The following HOXC11 variants were observed in gnomAD, a reference collection of about 807,000 sequenced individuals.
HOXC11 encodes the protein homeobox C11.
A neutral mutation model predicts 23.6 loss-of-function variants in HOXC11; 17 were observed. The observed-to-expected ratio is 0.72, with a 90% CI of 0.49 to 1.08. HOXC11 has a LOEUF of 1.08. Ranked by LOEUF, HOXC11 falls within the 50% of genes least tolerant of loss-of-function variation. The probability of loss-of-function intolerance (pLI) is 0.00; values close to 1 mark genes in which losing one functional copy is unlikely to be tolerated. For missense variants in HOXC11, 413 were observed against 412.1 expected (o/e 1.00, Z -0.02); for synonymous variants, 196 against 183.8 (o/e 1.07, Z -0.54).
At position 53,977,480 on chromosome 12, in the gene HOXC11, A is replaced by G. The variant is rs1939281491; in HGVS notation, c.*2067A>G. On this transcript the variant is annotated 3_prime_UTR_variant, in exon 2 of 2. Transcript: ENST00000546378. ...TTGTAAACGTGGGTCGGGTCGTGAG[A>G]CAAGATTTGCAAACTAGGGTGTATA... The G allele has an allele frequency of 6.6e-6, 1 of 152,206 alleles. No homozygotes were observed. 9.4% of individuals were successfully genotyped at this position (152,206 alleles called of 1,614,324 possible). A position where few individuals can be genotyped will look rare whatever the true frequency, so the allele number is the denominator to read the frequency against.
rs1384337595 is a variant in HOXC11, at chr12:53,973,198, C to A, written c.-44C>A. On this transcript the variant is annotated 5_prime_UTR_variant, in exon 1 of 2. Coordinates refer to ENST00000546378, the MANE Select transcript of HOXC11 (RefSeq NM_014212.4). This position sits in a 1 kb window ranked among gnomAD's most constrained non-coding sequence, Gnocchi z 4.3. Reference sequence around the variant, plus strand: ...TCCCAAATTTTCCCCCCTCGCTAGACCGGGTCCAAAACCTCCATCCGGAGC... The same window carrying A: ...TCCCAAATTTTCCCCCCTCGCTAGAACGGGTCCAAAACCTCCATCCGGAGC... The A allele has an allele frequency of 6.7e-7, 1 of 1,492,502 alleles. No individual in the cohort carries two copies. Among genetic ancestry groups the A allele is most frequent in the African/African-American group, 1.4e-5 (1 of 71,498 alleles). 92.5% of individuals were successfully genotyped at this position (1,492,502 alleles called of 1,614,324 possible).
rs1939251845 is a variant in HOXC11 at position 53,976,010 on chromosome 12, G to T, written c.*597G>T. The T allele has an allele frequency of 4.1e-6, 1 of 242,612 alleles. No individual in the cohort carries two copies. Among genetic ancestry groups the T allele is most frequent in the South Asian group, 1.7e-4 (1 of 5,840 alleles). The allele number at this position is 242,612 out of a possible 1,614,324, so 15.0% of individuals were successfully genotyped here. On this transcript the variant is annotated 3_prime_UTR_variant, in exon 2 of 2. Transcript: ENST00000546378. ...GCCCGAGCCTAGTTGTTCTCCCCCT[G>T]AATGTGTAGAACCTTCCTTTGAAAT...
rs754222686 is a variant in HOXC11, at chr12:53,973,736, G to C, written c.495G>C (p.Pro165=). The change falls in exon 1 of 2, where the codon CCG becomes CCC. Residue 165 remains proline (P), a synonymous_variant. Transcript: ENST00000546378. This position sits in a 1 kb window ranked among gnomAD's most constrained non-coding sequence, Gnocchi z 4.3. ...FDNAYCGGGD[P]PAEPPCSGKG... ...ACGCCTACTGCGGTGGCGGCGACCCGCCCGCCGAGCCCCCCTGCTCCGGCA... is the reference window on the plus strand; with the variant it reads ...ACGCCTACTGCGGTGGCGGCGACCCCCCCGCCGAGCCCCCCTGCTCCGGCA... 170 of 1,612,466 alleles carry C rather than the reference G, an allele frequency of 1.1e-4. No homozygotes were observed. Among genetic ancestry groups the C allele is most frequent in the Non-Finnish European group, 1.3e-4 (157 of 1,179,740 alleles).
rs772243194 is a variant in HOXC11, at chr12:53,973,677, G to C, written c.436G>C (p.Val146Leu). 1.2e-6 allele frequency: 2 copies of C among 1,613,686 alleles called. No individual in the cohort carries two copies. Among genetic ancestry groups the C allele is most frequent in the East Asian group, 2.2e-5 (1 of 44,866 alleles). Residue 146 changes from valine (V) to leucine (L), a missense_variant, in exon 1 of 2, where the codon GTC (valine) becomes CTC (leucine). By Grantham distance (32) the Val-to-Leu change is conservative. Coordinates refer to ENST00000546378, the MANE Select transcript of HOXC11 (RefSeq NM_014212.4). The surrounding 1 kb of genome is among the most constrained non-coding windows in gnomAD (Gnocchi z 4.3). Reference protein sequence around the residue: ...GFYSSVNKNSVLPQAFDRFFD... With the variant: ...GFYSSVNKNSLLPQAFDRFFD... Reference sequence around the variant, plus strand: ...CTACTCCTCAGTCAACAAGAACAGCGTCCTGCCTCAAGCCTTCGACCGTTT... The same window carrying C: ...CTACTCCTCAGTCAACAAGAACAGCCTCCTGCCTCAAGCCTTCGACCGTTT...
rs533790163 is a variant in HOXC11, at chr12:53,975,356, A to G, written c.858A>G (p.Lys286=). The G allele has an allele frequency of 6.2e-6, 10 of 1,613,968 alleles. No individual in the cohort carries two copies. In the African/African-American group the frequency reaches 1.2e-4, roughly 19 times the overall value. ...VKIWFQNRRM[K]EKKLSRDRLQ... is the part of the protein sequence containing the mutation. Reference sequence around the variant, plus strand: ...TTTGGTTTCAGAACAGAAGGATGAAAGAAAAGAAACTGAGCAGAGACCGGC... The same window carrying G: ...TTTGGTTTCAGAACAGAAGGATGAAGGAAAAGAAACTGAGCAGAGACCGGC... The change falls in exon 2 of 2, where the codon AAA becomes AAG. Residue 286 remains lysine (K), a synonymous_variant. Coordinates refer to ENST00000546378, the MANE Select transcript of HOXC11 (RefSeq NM_014212.4).
rs531346386 is a variant in HOXC11 at position 53,974,030 on chromosome 12, G to A, written c.682+107G>A. On this transcript the variant is annotated intron_variant, in intron 1 of 1. Transcript: ENST00000546378. ...GGAGCGGGGACGGCCTCGTGTTTTG[G>A]GTCAGTCCGATTTTATGTGGAGTTT... The A allele has an allele frequency of 7.1e-5, 64 of 904,908 alleles. 1 individual carries two copies. The African/African-American group carries it at 8.9e-4, about 13-fold the overall frequency. 56.1% of individuals were successfully genotyped at this position (904,908 alleles called of 1,614,324 possible). A position where few individuals can be genotyped will look rare whatever the true frequency, so the allele number is the denominator to read the frequency against.
chr12:53,975,262 T>A lies in HOXC11; in HGVS notation c.764T>A (p.Val255Glu). The A allele has an allele frequency of 6.2e-7, 1 of 1,613,104 alleles. No homozygotes were observed. Among genetic ancestry groups the A allele is most frequent in the Non-Finnish European group, 8.5e-7 (1 of 1,179,804 alleles). The change falls in exon 2 of 2, where the codon GTG becomes GAG. Residue 255 changes from valine to glutamate, a missense_variant. Physicochemically the swap from Val to Glu is moderately radical, Grantham distance 121. Coordinates refer to ENST00000546378, the MANE Select transcript of HOXC11 (RefSeq NM_014212.4). Reference protein sequence around the residue: ...RELEREFFFNVYINKEKRLQL... With the variant: ...RELEREFFFNEYINKEKRLQL... ...CTGGAGCGAGAGTTTTTCTTCAACG[T>A]GTATATCAACAAAGAGAAGCGGCTG...
In HOXC11 at chr12:53,973,485, A is replaced by T. The variant is rs1939185830; in HGVS notation, c.244A>T (p.Lys82Ter). The change falls in exon 1 of 2, where the codon AAG becomes TAG. Residue 82 changes from lysine to a stop codon, truncating the protein, a stop_gained. Coordinates refer to ENST00000546378, the MANE Select transcript of HOXC11 (RefSeq NM_014212.4). LOFTEE classifies it high-confidence loss of function. The surrounding 1 kb of genome is among the most constrained non-coding windows in gnomAD (Gnocchi z 4.3). ...EVSYGLEPSGKWHHRNSYSSC... is the reference protein window; with the variant it reads ...EVSYGLEPSG ...CTCCTACGGCCTGGAGCCATCCGGC[A>T]AGTGGCACCATCGGAACAGCTACTC... The T allele has an allele frequency of 1.2e-6, 2 of 1,613,730 alleles. No individual in the cohort carries two copies. The highest frequency in any genetic ancestry group is 1.7e-6 in the Non-Finnish European group (2 of 1,179,964).
chr12:53,973,847 G>T lies in HOXC11; in HGVS notation c.606G>T (p.Glu202Asp). 2 of 1,490,616 alleles carry T rather than the reference G, an allele frequency of 1.3e-6. No individual in the cohort carries two copies. Among genetic ancestry groups the T allele is most frequent in the Non-Finnish European group, 8.9e-7 (1 of 1,125,118 alleles). The allele number at this position is 1,490,616 out of a possible 1,614,324, so 92.3% of individuals were successfully genotyped here. The change falls in exon 1 of 2, where the codon GAG (glutamate) becomes GAT (aspartate). Residue 202 changes from glutamate (E) to aspartate (D), a missense_variant. Physicochemically the swap from Glu to Asp is conservative, Grantham distance 45. Transcript: ENST00000546378. The surrounding 1 kb of genome is among the most constrained non-coding windows in gnomAD (Gnocchi z 4.3). ...RAEAGAEAEA[E>D]EENTNPSSSG... Reference sequence around the variant, plus strand: ...AGGCGGGTGCCGAGGCGGAGGCTGAGGAGGAGAACACAAATCCCAGCTCGT... The same window carrying T: ...AGGCGGGTGCCGAGGCGGAGGCTGATGAGGAGAACACAAATCCCAGCTCGT...
intron 1 of HOXC11, among the ~76,000 whole-genome samples, chr12:53,974,126 G>T (rs1001888327): frequency 1.3e-5 from 2 of 151,470 alleles, no homozygotes; most frequent in Non-Finnish European, 2.9e-5. Flanking sequence ...TTTTACGATG[G>T]AGAAGGGGTG....
Position 53,975,671 on chromosome 12 carries a change from G to A in HOXC11, c.*258G>A. The A allele has an allele frequency of 5.1e-6, 3 of 584,128 alleles. No homozygotes were observed. Among genetic ancestry groups the A allele is most frequent in the South Asian group, 2.2e-5 (1 of 45,394 alleles). The allele number at this position is 584,128 out of a possible 1,614,324, so 36.2% of individuals were successfully genotyped here. On this transcript the variant is annotated 3_prime_UTR_variant, in exon 2 of 2. Coordinates refer to ENST00000546378, the MANE Select transcript of HOXC11 (RefSeq NM_014212.4). ...TGCACGGCGAGTGAACACCGTTGGCGCCGAGGCCAAGACTTTGATTTAAAA... is the reference window on the plus strand; with the variant it reads ...TGCACGGCGAGTGAACACCGTTGGCACCGAGGCCAAGACTTTGATTTAAAA...
rs768169872 is a variant in HOXC11, at chr12:53,975,420, G to A, written c.*7G>A. The A allele has an allele frequency of 6.9e-7, 1 of 1,446,664 alleles. No individual in the cohort carries two copies. Among genetic ancestry groups the A allele is most frequent in the South Asian group, 1.2e-5 (1 of 86,702 alleles). 89.6% of individuals were successfully genotyped at this position (1,446,664 alleles called of 1,614,324 possible). A position where few individuals can be genotyped will look rare whatever the true frequency, so the allele number is the denominator to read the frequency against. ...GGGAAATCCTCTGCTGTAACCTGCA[G>A]ACCGGGCCCTTTTGGGGGCGGGGGG... is the stretch of plus-strand genomic sequence containing the variant. On this transcript the variant is annotated 3_prime_UTR_variant, in exon 2 of 2. Coordinates refer to ENST00000546378, the MANE Select transcript of HOXC11 (RefSeq NM_014212.4).
Position 53,973,513 on chromosome 12 carries a change from C to G in HOXC11, c.272C>G (p.Ser91Cys). 1 of 1,614,054 alleles carries G rather than the reference C, an allele frequency of 6.2e-7. No homozygotes were observed. ...GKWHHRNSYS[S>C]CYAAADELMH... ...TGGCACCATCGGAACAGCTACTCCT[C>G]CTGCTATGCGGCGGCCGACGAGCTT... Residue 91 changes from serine to cysteine, a missense_variant, in exon 1 of 2, where the codon TCC becomes TGC. Coordinates refer to ENST00000546378, the MANE Select transcript of HOXC11 (RefSeq NM_014212.4). The surrounding 1 kb of genome is among the most constrained non-coding windows in gnomAD (Gnocchi z 4.3).
Position 53,975,730 on chromosome 12 carries a change from C to A in HOXC11, c.*317C>A. Reference sequence around the variant, plus strand: ...ACCTCGGCGACAATGTCTTGCTGCTCGGATTAGGTGGGGGAGGGGCGACAG... The same window carrying A: ...ACCTCGGCGACAATGTCTTGCTGCTAGGATTAGGTGGGGGAGGGGCGACAG... On this transcript the variant is annotated 3_prime_UTR_variant, in exon 2 of 2. Coordinates refer to ENST00000546378, the MANE Select transcript of HOXC11 (RefSeq NM_014212.4). The A allele has an allele frequency of 1.8e-6, 1 of 541,872 alleles. No individual in the cohort carries two copies. Among genetic ancestry groups the A allele is most frequent in the Non-Finnish European group, 3.2e-6 (1 of 308,942 alleles). The allele number at this position is 541,872 out of a possible 1,614,324, so 33.6% of individuals were successfully genotyped here.
At position 53,975,176 on chromosome 12, in the gene HOXC11, T is replaced by C. The variant is rs774182991; in HGVS notation, c.683-5T>C. The C allele has an allele frequency of 1.0e-5, 12 of 1,173,554 alleles. No individual in the cohort carries two copies. The highest frequency in any genetic ancestry group is 6.2e-5 in the South Asian group (4 of 64,274). 72.7% of individuals were successfully genotyped at this position (1,173,554 alleles called of 1,614,324 possible). On this transcript the variant is annotated splice_region_variant and splice_polypyrimidine_tract_variant and intron_variant, in intron 1 of 1. Coordinates refer to ENST00000546378, the MANE Select transcript of HOXC11 (RefSeq NM_014212.4). ...CCTCGCACTTGCCCCCTCCCCTCCC[T>C]CCAGACGCCCCCCGCACCCGCAAGA...
In HOXC11 at chr12:53,976,401, TA is replaced by T; in HGVS notation, c.*991del. The T allele has an allele frequency of 5.0e-6, 1 of 200,368 alleles. No homozygotes were observed. Among genetic ancestry groups the T allele is most frequent in the Non-Finnish European group, 1.0e-5 (1 of 96,868 alleles). 12.4% of individuals were successfully genotyped at this position (200,368 alleles called of 1,614,324 possible). On this transcript the variant is annotated 3_prime_UTR_variant, in exon 2 of 2. Transcript: ENST00000546378. ...AAATTTTTTTGGTGGCAAATAAAGATAAATTTCATTCTGTTCAATATTATGA... is the reference window on the plus strand; with the variant it reads ...AAATTTTTTTGGTGGCAAATAAAGATAATTTCATTCTGTTCAATATTATGA...
Position 53,973,698 on chromosome 12 carries a change from C to G in HOXC11, c.457C>G (p.Arg153Gly), listed in dbSNP as rs1311222948. The change falls in exon 1 of 2, where the codon CGT (arginine) becomes GGT (glycine). Residue 153 changes from arginine to glycine, a missense_variant. Physicochemically the swap from Arg to Gly is moderately radical, Grantham distance 125. Transcript: ENST00000546378. This position sits in a 1 kb window ranked among gnomAD's most constrained non-coding sequence, Gnocchi z 4.3. ...CAGCGTCCTGCCTCAAGCCTTCGAC[C>G]GTTTCTTCGACAACGCCTACTGCGG... ...KNSVLPQAFD[R>G]FFDNAYCGGG... 1.9e-6 allele frequency: 3 copies of G among 1,613,570 alleles called. No individual in the cohort carries two copies. The highest frequency in any genetic ancestry group is 1.3e-5 in the African/African-American group (1 of 74,936).
At position 53,975,354 on chromosome 12, in the gene HOXC11, A is replaced by G; in HGVS notation, c.856A>G (p.Lys286Glu). 6.2e-7 allele frequency: 1 copy of G among 1,613,886 alleles called. No individual in the cohort carries two copies. Among genetic ancestry groups the G allele is most frequent in the African/African-American group, 1.3e-5 (1 of 74,992 alleles). ...VKIWFQNRRMKEKKLSRDRLQ... is the reference protein window; with the variant it reads ...VKIWFQNRRMEEKKLSRDRLQ... ...AATTTGGTTTCAGAACAGAAGGATG[A>G]AAGAAAAGAAACTGAGCAGAGACCG... Residue 286 changes from lysine (K) to glutamate (E), a missense_variant, in exon 2 of 2, where the codon AAA becomes GAA. Lys to Glu is a moderately conservative substitution (Grantham distance 56). Coordinates refer to ENST00000546378, the MANE Select transcript of HOXC11 (RefSeq NM_014212.4).
Position 53,975,831 on chromosome 12 carries a change from C to T in HOXC11, c.*418C>T. On this transcript the variant is annotated 3_prime_UTR_variant, in exon 2 of 2. Transcript: ENST00000546378. ...CATGTGAAAAGATCCGCTAAGACAG[C>T]ATGTCTGCCAGCGGAAACTTCTCGA... 4.8e-6 allele frequency: 2 copies of T among 419,338 alleles called. No individual in the cohort carries two copies. Among genetic ancestry groups the T allele is most frequent in the Non-Finnish European group, 8.4e-6 (2 of 239,050 alleles). The allele number at this position is 419,338 out of a possible 1,614,324, so 26.0% of individuals were successfully genotyped here.
Sources: gnomAD v4.1 joint callset for allele counts (sites outside exome capture counted in the v4.1 genomes callset) on GRCh38, gnomAD v4.1.1 for gene constraint, Gnocchi (gnomAD v3.1) non-coding constraint, MANE v1.5 for transcripts, NCBI Gene and HGNC (gene_info 2026-07-23, HGNC 2026-07-21) for gene names.